Variants in NFRKB observed in about 807,000 individuals in gnomAD.
NFRKB encodes the protein nuclear factor related to kappaB binding protein.
NFRKB carries 62 observed loss-of-function variants against 135.7 expected under a neutral mutation model. The observed-to-expected ratio is 0.46, with a 90% confidence interval of 0.37 to 0.56. The LOEUF (loss-of-function observed/expected upper bound fraction) is 0.56, where lower values mean the gene tolerates loss of function less well. NFRKB is among the 20% of genes least tolerant of loss of function. The pLI is 0.00. For missense variants in NFRKB, 1,545 were observed against 1,662.0 expected, an observed-to-expected ratio of 0.93 and a Z score of 1.22; for synonymous variants, 678 against 635.6, an observed-to-expected ratio of 1.07 and a Z score of -1.00.
intron 22 of NFRKB, 57 bp downstream of exon 22, chr11:129,873,688 C>G (rs2135644653): frequency 6.3e-7 from 1 of 1,584,250 alleles, no homozygotes. Flanking sequence ...TCTGACTCAT[C>G]AGCCCACCTC....
At chr11:129,884,270 C>A in intron 7 of NFRKB, 127 bp from the exon 8 acceptor site, 1 of 946,850 alleles carries the variant, frequency 1.1e-6, no homozygotes. Context: ...TACCAAAAAT[C>A]TTTAAAGTCA....
chr11:129,888,784 G>A lies in NFRKB; in HGVS notation c.147C>T (p.Phe49=), dbSNP rs771719577. 9 of 1,613,174 alleles carry A rather than the reference G, an allele frequency of 5.6e-6. No homozygotes were observed. Among genetic ancestry groups the A allele is most frequent in the South Asian group, 1.1e-5 (1 of 90,972 alleles). ...ATGTTGAGAGGCTGACAACATCAAA[G>A]AAGATCTCAGGCTAGGAGAAATAGG... ...PEDLLEDPEI[F]FDVVSLSTWQ... Residue 49 remains phenylalanine (F), a synonymous_variant, in exon 4 of 27, where the codon TTC becomes TTT. Coordinates refer to ENST00000682444, the MANE Select transcript of NFRKB (RefSeq NM_001143835.2).
chr11:129,882,767 A>G, intron 9 of NFRKB, 136 bp from the exon 10 acceptor site: 1 of 886,622 alleles, frequency 1.1e-6, no homozygotes. Context: ...AATGAAACCA[A>G]ATTCATTGAG....
intron 16 of NFRKB, among the ~76,000 whole-genome samples, chr11:129,877,111 C>T (rs1948802163): frequency 6.6e-6 from 1 of 152,138 alleles, no homozygotes; most frequent in Non-Finnish European, 1.5e-5. Context: ...AATATGAAGG[C>T]ACTTTGCTAC....
Position 129,876,887 on chromosome 11 carries a change from G to A in NFRKB, c.1581C>T (p.Tyr527=), listed in dbSNP as rs1948791067. Residue 527 remains tyrosine (Y), a synonymous_variant, in exon 17 of 27, where the codon TAC becomes TAT. Coordinates refer to ENST00000682444, the MANE Select transcript of NFRKB (RefSeq NM_001143835.2). ...ACGCCTTATGGGGTTGGCTATACCT[G>A]TAACGCTCCTACCAAGAGACAAGGG... ...EKRVFQEQER[Y]RYSQPHKAFT... The A allele has an allele frequency of 1.2e-6, 2 of 1,613,600 alleles. No individual in the cohort carries two copies. The highest frequency in any genetic ancestry group is 1.6e-4 in the Middle Eastern group (1 of 6,062).
intron 23 of NFRKB, among the ~76,000 whole-genome samples, chr11:129,871,827 C>T (rs1472209804): frequency 6.6e-6 from 1 of 152,218 alleles, no homozygotes; most frequent in Non-Finnish European, 1.5e-5. Flanking sequence ...GTCACCCTTG[C>T]TCACCATCTT....
intron 25 of NFRKB, among the ~76,000 whole-genome samples, chr11:129,865,609 T>C (rs1948151482): frequency 6.6e-6 from 1 of 152,260 alleles, no homozygotes; most frequent in African/African-American, 2.4e-5. Flanking sequence ...CTCTCCAGTA[T>C]GTATCACCAC....
chr11:129,870,130 C>G lies in NFRKB; in HGVS notation c.2895G>C (p.Lys965Asn), dbSNP rs1382492860. 1 of 1,614,256 alleles carries G rather than the reference C, an allele frequency of 6.2e-7. No homozygotes were observed. Among genetic ancestry groups the G allele is most frequent in the Non-Finnish European group, 8.5e-7 (1 of 1,180,044 alleles). The change falls in exon 24 of 27, where the codon AAG becomes AAC. Residue 965 changes from lysine (K) to asparagine (N), a missense_variant. Physicochemically the swap from Lys to Asn is moderately conservative, Grantham distance 94. Around this residue, in one of 3 missense-constraint regions of NFRKB, gnomAD observed 753 missense variants for 804.3 expected, o/e 0.94. Coordinates refer to ENST00000682444, the MANE Select transcript of NFRKB (RefSeq NM_001143835.2). ...LPPSSITTDA[K>N]GQTVLRITPD... ...GAGTGATTCGCAGAACCGTCTGGCC[C>G]TTGGCATCTGTGGTGATGGAAGAGG...
In NFRKB at chr11:129,865,034, T is replaced by C. The variant is rs1180321721; in HGVS notation, c.3706A>G (p.Asn1236Asp). ...GCAGTGAGGAAACTAACAGGCTTAT[T>C]GCCAGCAATGAGCTTAGTGCCTGCT... Reference protein sequence around the residue: ...MPAGTKLIAGNKPVSFLTAQQ... With the variant: ...MPAGTKLIAGDKPVSFLTAQQ... The change falls in exon 26 of 27, where the codon AAT (asparagine) becomes GAT (aspartate). Residue 1236 changes from asparagine (N) to aspartate (D), a missense_variant. By Grantham distance (23) the Asn-to-Asp change is conservative. Coordinates refer to ENST00000682444, the MANE Select transcript of NFRKB (RefSeq NM_001143835.2). 6.2e-7 allele frequency: 1 copy of C among 1,612,860 alleles called. No homozygotes were observed. The highest frequency in any genetic ancestry group is 2.2e-5 in the East Asian group (1 of 44,898).
At chr11:129,881,655 C>G in intron 12 of NFRKB, 72 bp downstream of exon 12, 2 of 1,591,086 alleles carry the variant, frequency 1.3e-6, no homozygotes, top group Non-Finnish European at 8.6e-7. Context: ...ACGAGCAAAG[C>G]TGCAGTTTAT....
intron 4 of NFRKB, chr11:129,888,355 G>T (rs1242665882): frequency 1.4e-5 from 9 of 666,188 alleles, no homozygotes; most frequent in African/African-American, 9.5e-5. Flanking sequence ...GTAGATGCTG[G>T]TTACAAGCTG....
At chr11:129,881,217 G>A (rs985242432) in intron 13 of NFRKB, among the ~76,000 whole-genome samples, 3 of 152,202 alleles carry the variant, frequency 2.0e-5, no homozygotes, top group Admixed American at 1.3e-4. Flanking sequence ...ACATCATACA[G>A]AAAGGCTATT....
At position 129,874,909 on chromosome 11, in the gene NFRKB, G is replaced by GT; in HGVS notation, c.1861dup (p.Thr621AsnfsTer33). The GT allele has an allele frequency of 6.2e-7, 1 of 1,614,108 alleles. No individual in the cohort carries two copies. Among genetic ancestry groups the GT allele is most frequent in the Non-Finnish European group, 8.5e-7 (1 of 1,180,024 alleles). ...CCGATCCAGTGCACCACTCACTACT[G>GT]TATTTACCTACAAATCAGACAAAGG... On this transcript the variant is annotated frameshift_variant, in exon 19 of 27. Transcript: ENST00000682444. LOFTEE classifies it high-confidence loss of function. The surrounding 1 kb of genome is among the most constrained non-coding windows in gnomAD (Gnocchi z 4.5).
chr11:129,886,040 T>C (rs1949261767), intron 5 of NFRKB, among the ~76,000 whole-genome samples: 2 of 152,218 alleles, frequency 1.3e-5, no homozygotes, highest in Admixed American at 1.3e-4. Flanking sequence ...TAATAACCCA[T>C]GATAGATCCA....
chr11:129,885,488 A>G lies in NFRKB; in HGVS notation c.587T>C (p.Leu196Ser). 1.2e-6 allele frequency: 2 copies of G among 1,614,084 alleles called. No homozygotes were observed. The highest frequency in any genetic ancestry group is 1.7e-6 in the Non-Finnish European group (2 of 1,179,940). Residue 196 changes from leucine to serine, a missense_variant, in exon 6 of 27, where the codon TTA becomes TCA. By Grantham distance (145) the Leu-to-Ser change is moderately radical (BLOSUM62 -2). Around this residue, in one of 3 missense-constraint regions of NFRKB, gnomAD observed 678 missense variants for 646.7 expected, o/e 1.05. Transcript: ENST00000682444. Reference sequence around the variant, plus strand: ...ACCACACTCCTCTTTCACTTCCCTTAAGACCTTCAAGTAGCGCTGCTGGGT... The same window carrying G: ...ACCACACTCCTCTTTCACTTCCCTTGAGACCTTCAAGTAGCGCTGCTGGGT... ...WRTQQRYLKVLREVKEECGDT... is the reference protein window; with the variant it reads ...WRTQQRYLKVSREVKEECGDT...
rs1032576148 is a variant in NFRKB, at chr11:129,887,994, G to A, written c.337+600C>T. On this transcript the variant is annotated intron_variant, in intron 4 of 26. Coordinates refer to ENST00000682444, the MANE Select transcript of NFRKB (RefSeq NM_001143835.2). The stretch of plus-strand genomic sequence containing the variant: ...AGAGTTTGCAGTGAGCTGAGATTGC[G>A]CCACTGCACTCCAGCCTGGGCGACA... Among the ~76,000 whole-genome samples the A allele has an allele frequency of 9.2e-5, 14 of 152,252 alleles. No individual in the cohort carries two copies. In the East Asian group the frequency reaches 1.2e-3, roughly 13 times the overall value.
rs770935717 is a variant in NFRKB, at chr11:129,875,346, C to T, written c.1854+11G>A. 2 of 1,597,670 alleles carry T rather than the reference C, an allele frequency of 1.3e-6. No individual in the cohort carries two copies. Among genetic ancestry groups the T allele is most frequent in the Non-Finnish European group, 1.7e-6 (2 of 1,168,152 alleles). On this transcript the variant is annotated intron_variant, in intron 18 of 26. Coordinates refer to ENST00000682444, the MANE Select transcript of NFRKB (RefSeq NM_001143835.2). ...TGGAACAAAGCAAAAGTAATCTCTTCTCCGTCCTACCTGAGTGCTGGTGAC... is the reference window on the plus strand; with the variant it reads ...TGGAACAAAGCAAAAGTAATCTCTTTTCCGTCCTACCTGAGTGCTGGTGAC...
rs34885972 is a variant in NFRKB at position 129,872,873 on chromosome 11, G to A, written c.2763+11C>T. On this transcript the variant is annotated intron_variant, in intron 23 of 26. Coordinates refer to ENST00000682444, the MANE Select transcript of NFRKB (RefSeq NM_001143835.2). ...AAGGATTGAGATCCACGTGGAAAGA[G>A]CCCCACCTACCTGCTTGATGATGTT... 0.016 allele frequency: 25,071 copies of A among 1,582,556 alleles called. 341 individuals carry two copies. The highest frequency in any genetic ancestry group is 0.082 in the Middle Eastern group (485 of 5,890).
In NFRKB at chr11:129,869,636, G is replaced by A; in HGVS notation, c.3389C>T (p.Ser1130Phe). ...GSGTVHTSAV[S>F]LPSMNAAVSK... Reference sequence around the variant, plus strand: ...CACAGCAGCATTCATACTGGGTAAGGACACCGCTGAAGTATGGACAGTTCC... The same window carrying A: ...CACAGCAGCATTCATACTGGGTAAGAACACCGCTGAAGTATGGACAGTTCC... The change falls in exon 24 of 27, where the codon TCC becomes TTC. Residue 1130 changes from serine to phenylalanine, a missense_variant. Physicochemically the swap from Ser to Phe is radical, Grantham distance 155 (BLOSUM62 -2). Around this residue, in one of 3 missense-constraint regions of NFRKB, gnomAD observed 753 missense variants for 804.3 expected, o/e 0.94. Coordinates refer to ENST00000682444, the MANE Select transcript of NFRKB (RefSeq NM_001143835.2). 6.2e-7 allele frequency: 1 copy of A among 1,614,224 alleles called. No individual in the cohort carries two copies. Among genetic ancestry groups the A allele is most frequent in the Non-Finnish European group, 8.5e-7 (1 of 1,180,038 alleles).
Sources: allele counts gnomAD v4.1 joint callset (sites outside exome capture counted in the v4.1 genomes callset), GRCh38; gene constraint gnomAD v4.1.1; regional missense constraint gnomAD v4.1.1; non-coding constraint Gnocchi (gnomAD v3.1); transcripts MANE v1.5; gene names NCBI Gene and HGNC (gene_info 2026-07-23, HGNC 2026-07-21).